Variants in AGAP1 observed in about 807,000 individuals in gnomAD.
The protein encoded by AGAP1 is arf-GAP with GTPase, ANK repeat and PH domain-containing protein 1.
AGAP1 carries 29 observed loss-of-function variants against 105.3 expected under a neutral mutation model. The observed-to-expected ratio is 0.28, with a 90% CI of 0.21 to 0.38. The LOEUF (loss-of-function observed/expected upper bound fraction) is 0.38, where lower values mean the gene tolerates loss of function less well. AGAP1 is among the 10% of genes least tolerant of loss of function. The pLI is 1.00. For missense variants in AGAP1, 998 were observed against 1,165.1 expected, an observed-to-expected ratio of 0.86 and a Z score of 2.09; for synonymous variants, 509 against 485.9, an observed-to-expected ratio of 1.05 and a Z score of -0.63.
chr2:235,938,508 A>G (rs2125196175), intron 12 of AGAP1, among the ~76,000 whole-genome samples: 1 of 152,322 alleles, frequency 6.6e-6, no homozygotes, highest in African/African-American at 2.4e-5. Flanking sequence ...AGAGACTACA[A>G]AATGGGTTGA....
At chr2:235,849,514 C>G (rs1289654383) in intron 9 of AGAP1, among the ~76,000 whole-genome samples, 1 of 152,148 alleles carries the variant, frequency 6.6e-6, no homozygotes, top group Non-Finnish European at 1.5e-5. Flanking sequence ...TGCAAAACAT[C>G]ACAGTTTGAG....
At chr2:235,502,556 C>G (rs541509370) in intron 1 of AGAP1, among the ~76,000 whole-genome samples, 2 of 152,094 alleles carry the variant, frequency 1.3e-5, no homozygotes, top group Non-Finnish European at 2.9e-5. Context: ...ACACTTCTCC[C>G]GCTGTTTGAT....
chr2:235,717,489 C>T (rs1253679960), intron 2 of AGAP1, 68 bp from the exon 3 acceptor site: 7 of 1,373,428 alleles, frequency 5.1e-6, no homozygotes, highest in Middle Eastern at 1.8e-4. Flanking sequence ...ATTTTAGCCT[C>T]TTAGTATTTG....
chr2:235,837,363 TGA>T (rs1960295662), intron 9 of AGAP1, among the ~76,000 whole-genome samples: 1 of 152,220 alleles, frequency 6.6e-6, no homozygotes, highest in Non-Finnish European at 1.5e-5. Context: ...AGTACTTTCC[TGA>T]GAGGGAACGT....
chr2:235,718,517 A>G (rs567099624), intron 3 of AGAP1: 291 of 630,948 alleles, frequency 4.6e-4, no homozygotes, highest in Non-Finnish European at 3.5e-4. Flanking sequence ...GTTTCATTTT[A>G]TCTTTTTCTT....
chr2:236,100,274 CTG>C (rs2059313752), intron 16 of AGAP1, among the ~76,000 whole-genome samples: 1 of 152,102 alleles, frequency 6.6e-6, no homozygotes, highest in Non-Finnish European at 1.5e-5. Context: ...AAGTTAAACT[CTG>C]TGTCGATGGT....
rs893338237 is a variant in AGAP1 at position 235,723,781 on chromosome 2, G to T, written c.310+6137G>T. Among the ~76,000 whole-genome samples, 1 of 146,264 alleles carries T rather than the reference G, an allele frequency of 6.8e-6. No homozygotes were observed. The highest frequency in any genetic ancestry group is 1.6e-5 in the Non-Finnish European group (1 of 63,884). On this transcript the variant is annotated intron_variant, in intron 3 of 17. Coordinates refer to ENST00000304032, the MANE Select transcript of AGAP1 (RefSeq NM_001037131.3). The surrounding 1 kb of genome is among the most constrained non-coding windows in gnomAD (Gnocchi z 6.2). ...AGCTTTTATCGTTGGTTGGTTGGTT[G>T]GTTGGTTGGTTGGTTGGTTGGTCGA...
intron 1 of AGAP1, among the ~76,000 whole-genome samples, chr2:235,545,463 A>C (rs1191206817): frequency 6.6e-6 from 1 of 152,168 alleles, no homozygotes; most frequent in Non-Finnish European, 1.5e-5. Context: ...CTGAGCCAGA[A>C]CCTTTCTGGG....
chr2:235,703,539 C>G (rs1337556754), intron 1 of AGAP1, among the ~76,000 whole-genome samples: 1 of 150,656 alleles, frequency 6.6e-6, no homozygotes, highest in Admixed American at 6.6e-5. Context: ...AAGAATTGCT[C>G]CCCTCTTCTC....
At position 235,753,525 on chromosome 2, in the gene AGAP1, C is replaced by T. The variant is rs1432435148; in HGVS notation, c.673+3037C>T. On this transcript the variant is annotated intron_variant, in intron 6 of 17. Transcript: ENST00000304032. The surrounding 1 kb of genome is among the most constrained non-coding windows in gnomAD (Gnocchi z 4.5). ...TTCGAGACCAGCCTGGCCACCATGG[C>T]GAAATCCCATCTCTACTAAAATTGC... 1.3e-5 allele frequency among the ~76,000 whole-genome samples: 2 copies of T among 152,018 alleles called. No individual in the cohort carries two copies. Among genetic ancestry groups the T allele is most frequent in the Non-Finnish European group, 1.5e-5 (1 of 68,002 alleles).
chr2:235,744,417 C>T lies in AGAP1; in HGVS notation c.397-281C>T, dbSNP rs111893616. On this transcript the variant is annotated intron_variant, in intron 4 of 17. Coordinates refer to ENST00000304032, the MANE Select transcript of AGAP1 (RefSeq NM_001037131.3). This position sits in a 1 kb window ranked among gnomAD's most constrained non-coding sequence, Gnocchi z 5.2. ...GCGGACAGGCCAGGAGCATGAGGAC[C>T]GCGGGGACACTGTGTGGTTTGTGTC... Among the ~76,000 whole-genome samples, 135 of 152,204 alleles carry T rather than the reference C, an allele frequency of 8.9e-4. 1 individual carries two copies. Among genetic ancestry groups the T allele is most frequent in the Admixed American group, 6.7e-3 (102 of 15,290 alleles).
At position 236,001,943 on chromosome 2, in the gene AGAP1, G is replaced by A. The variant is rs1243116583; in HGVS notation, c.1645+33320G>A. On this transcript the variant is annotated intron_variant, in intron 13 of 17. Coordinates refer to ENST00000304032, the MANE Select transcript of AGAP1 (RefSeq NM_001037131.3). The surrounding 1 kb of genome is among the most constrained non-coding windows in gnomAD (Gnocchi z 4.7). ...TGCACATACATTCTGAAGCGCTCAC[G>A]CTTTGTTCCTGTGGACATCTCTGCC... is the stretch of plus-strand genomic sequence containing the variant. 6.6e-6 allele frequency among the ~76,000 whole-genome samples: 1 copy of A among 152,130 alleles called. No individual in the cohort carries two copies. The highest frequency in any genetic ancestry group is 2.4e-5 in the African/African-American group (1 of 41,434).
At chr2:235,922,420 T>C (rs1056978013) in intron 11 of AGAP1, among the ~76,000 whole-genome samples, 5 of 152,238 alleles carry the variant, frequency 3.3e-5, no homozygotes, top group African/African-American at 1.2e-4. Flanking sequence ...CAAGAGTTGC[T>C]CCTCTTTTCA....
rs1949665379 is a variant in AGAP1 at position 235,690,049 on chromosome 2, C to G, written c.164-19130C>G. On this transcript the variant is annotated intron_variant, in intron 1 of 17. Coordinates refer to ENST00000304032, the MANE Select transcript of AGAP1 (RefSeq NM_001037131.3). The surrounding 1 kb of genome is among the most constrained non-coding windows in gnomAD (Gnocchi z 4.1). ...GCAAATGCAAAGGTGACTGGGAGTTCTAAGCCCCTGGGTGTCTCTCCCTCG... is the reference window on the plus strand; with the variant it reads ...GCAAATGCAAAGGTGACTGGGAGTTGTAAGCCCCTGGGTGTCTCTCCCTCG... Among the ~76,000 whole-genome samples the G allele has an allele frequency of 6.6e-6, 1 of 152,024 alleles. No homozygotes were observed. The highest frequency in any genetic ancestry group is 1.5e-5 in the Non-Finnish European group (1 of 68,018).
intron 13 of AGAP1, among the ~76,000 whole-genome samples, chr2:236,030,203 G>A (rs1333403909): frequency 6.6e-6 from 1 of 152,104 alleles, no homozygotes; most frequent in Non-Finnish European, 1.5e-5. Flanking sequence ...TCTAGAGACG[G>A]GGTCTCACCA....
intron 6 of AGAP1, among the ~76,000 whole-genome samples, chr2:235,774,694 T>C (rs1445084548): frequency 6.6e-6 from 1 of 152,232 alleles, no homozygotes; most frequent in Non-Finnish European, 1.5e-5. Flanking sequence ...GGCGGTACTT[T>C]GATTCCAATC....
Position 236,072,131 on chromosome 2 carries a change from T to G in AGAP1, c.2114+22850T>G, listed in dbSNP as rs1474679217. ...AAAGTAGTCTTCGTTGTGGGTTTTT[T>G]TTTTTTTTTTTTTTTTTAGAGATAA... On this transcript the variant is annotated intron_variant, in intron 16 of 17. Coordinates refer to ENST00000304032, the MANE Select transcript of AGAP1 (RefSeq NM_001037131.3). Among the ~76,000 whole-genome samples, 21 of 148,896 alleles carry G rather than the reference T, an allele frequency of 1.4e-4. No individual in the cohort carries two copies. In the South Asian group the frequency reaches 4.1e-3, roughly 29 times the overall value.
intron 8 of AGAP1, among the ~76,000 whole-genome samples, chr2:235,803,683 T>C (rs1957695759): frequency 6.6e-6 from 1 of 152,248 alleles, no homozygotes; most frequent in Non-Finnish European, 1.5e-5. Context: ...TGGGCTAACA[T>C]TTTGTGCTCC....
chr2:236,110,706 A>G (rs2059618205), intron 16 of AGAP1, among the ~76,000 whole-genome samples: 2 of 152,256 alleles, frequency 1.3e-5, no homozygotes, highest in East Asian at 1.9e-4. Flanking sequence ...ATATATGTCC[A>G]TGATCAATCA....
Sources: gnomAD v4.1 joint callset for allele counts (sites outside exome capture counted in the v4.1 genomes callset) on GRCh38, gnomAD v4.1.1 for gene constraint, Gnocchi (gnomAD v3.1) non-coding constraint, MANE v1.5 for transcripts, NCBI Gene and HGNC (gene_info 2026-07-23, HGNC 2026-07-21) for gene names.